NAALADL2: variants seen among roughly 807,000 people sequenced by gnomAD.
The protein encoded by NAALADL2 is inactive N-acetylated-alpha-linked acidic dipeptidase-like protein 2.
A neutral mutation model predicts 87.2 loss-of-function variants in NAALADL2; 76 were observed. That is an observed-to-expected ratio of 0.87 (90% confidence interval 0.72 to 1.05). The LOEUF is 1.05. NAALADL2 is among the 50% of genes least tolerant of loss of function. The pLI is 0.00. For missense variants in NAALADL2, 1,089 were observed against 945.8 expected, an observed-to-expected ratio of 1.15 and a Z score of -1.99; for synonymous variants, 354 against 331.0, an observed-to-expected ratio of 1.07 and a Z score of -0.75.
intron 11 of NAALADL2, among the ~76,000 whole-genome samples, chr3:175,665,762 C>T (rs1042780536): frequency 2.9e-4 from 44 of 152,240 alleles, no homozygotes; most frequent in African/African-American, 1.0e-3. Context: ...GAAACCCCTT[C>T]TCTGCTAAAA....
intron 5 of NAALADL2, among the ~76,000 whole-genome samples, chr3:175,420,190 G>A (rs1157325145): frequency 2.6e-5 from 4 of 151,898 alleles, no homozygotes; most frequent in Non-Finnish European, 5.9e-5. Context: ...AGAGAGAAAT[G>A]TTTCTTTTCT....
chr3:175,356,609 T>TAAA (rs200326548), intron 5 of NAALADL2, among the ~76,000 whole-genome samples: 14,138 of 132,556 alleles, frequency 0.11, 857 homozygotes, highest in Admixed American at 0.14. Context: ...ATAATAATAA[T>TAAA]AAAGAAATAA....
intron 1 of NAALADL2, among the ~76,000 whole-genome samples, chr3:174,996,390 G>A (rs758955689): frequency 4.0e-5 from 6 of 151,780 alleles, no homozygotes; most frequent in African/African-American, 1.5e-4. Flanking sequence ...TCAGCTACTC[G>A]GGAGGCTGAG....
intron 2 of NAALADL2, among the ~76,000 whole-genome samples, chr3:175,153,057 T>C (rs1731779945): frequency 6.6e-6 from 1 of 152,186 alleles, no homozygotes; most frequent in Non-Finnish European, 1.5e-5. Flanking sequence ...CTATCTCTTA[T>C]ATTTTCATAT....
chr3:175,570,577 G>T (rs994708049), intron 9 of NAALADL2, among the ~76,000 whole-genome samples: 1 of 151,938 alleles, frequency 6.6e-6, no homozygotes, highest in African/African-American at 2.4e-5. Context: ...TAACTGAAAC[G>T]AAAAGAAAGT....
At chr3:174,540,557 C>CAACT (rs1722131755) in intron 1 of NAALADL2, among the ~76,000 whole-genome samples, 1 of 152,158 alleles carries the variant, frequency 6.6e-6, no homozygotes, top group African/African-American at 2.4e-5. Flanking sequence ...CTATAACAGT[C>CAACT]AACTATACTA....
chr3:175,434,115 T>G (rs1164386463), intron 5 of NAALADL2, among the ~76,000 whole-genome samples: 1 of 151,980 alleles, frequency 6.6e-6, no homozygotes, highest in Non-Finnish European at 1.5e-5. Flanking sequence ...TATTGAAATC[T>G]TTTACACTAT....
At chr3:175,189,580 A>G (rs1483412026) in intron 2 of NAALADL2, among the ~76,000 whole-genome samples, 1 of 152,208 alleles carries the variant, frequency 6.6e-6, no homozygotes, top group Non-Finnish European at 1.5e-5. Context: ...AGACAAGTAA[A>G]TTGAGAGATA....
intron 1 of NAALADL2, among the ~76,000 whole-genome samples, chr3:174,913,132 G>GT (rs1733921978): frequency 6.6e-6 from 1 of 152,060 alleles, no homozygotes; most frequent in East Asian, 1.9e-4. Flanking sequence ...ATAAAATATA[G>GT]TATTATGACT....
chr3:175,319,870 T>G (rs1759623361), intron 4 of NAALADL2, among the ~76,000 whole-genome samples: 1 of 152,182 alleles, frequency 6.6e-6, no homozygotes, highest in South Asian at 2.1e-4. Flanking sequence ...TCTGTCTCAT[T>G]CATTCTCTCA....
chr3:175,727,445 TA>T (rs1340963059), intron 11 of NAALADL2, among the ~76,000 whole-genome samples: 2 of 152,274 alleles, frequency 1.3e-5, no homozygotes, highest in South Asian at 2.1e-4. Context: ...CAGGAGCTCC[TA>T]AAAAATGGCC....
chr3:175,771,922 C>A (rs1405717830), intron 13 of NAALADL2, among the ~76,000 whole-genome samples: 1 of 152,056 alleles, frequency 6.6e-6, no homozygotes, highest in African/African-American at 2.4e-5. Flanking sequence ...GGAAAAGGCC[C>A]TTATAGAACC....
At chr3:174,684,163 A>C (rs1480688324) in intron 2 of NAALADL2, among the ~76,000 whole-genome samples, 1 of 152,040 alleles carries the variant, frequency 6.6e-6, no homozygotes, top group Non-Finnish European at 1.5e-5. Context: ...TAATATTAAA[A>C]TCTAAAAATT....
chr3:174,701,474 A>G (rs1348603359), intron 2 of NAALADL2, among the ~76,000 whole-genome samples: 1 of 152,126 alleles, frequency 6.6e-6, no homozygotes, highest in Non-Finnish European at 1.5e-5. Context: ...CTGATATACA[A>G]TAAACTACAC....
chr3:175,683,163 A>G (rs1404854366), intron 11 of NAALADL2, among the ~76,000 whole-genome samples: 1 of 152,052 alleles, frequency 6.6e-6, no homozygotes, highest in African/African-American at 2.4e-5. Flanking sequence ...AATATTTTCA[A>G]AACAAAAATA....
chr3:175,026,524 G>A (rs962251285), intron 1 of NAALADL2, among the ~76,000 whole-genome samples: 6 of 149,614 alleles, frequency 4.0e-5, no homozygotes, highest in Non-Finnish European at 7.4e-5. Context: ...ACGTGGTGGC[G>A]CATGCCTGTA....
At chr3:175,093,410 A>ATT (rs201364351) in intron 1 of NAALADL2, among the ~76,000 whole-genome samples, 2 of 86,766 alleles carry the variant, frequency 2.3e-5, no homozygotes, top group Middle Eastern at 5.8e-3. Flanking sequence ...AGTTCATTTT[A>ATT]TTTTTTTATA....
chr3:175,502,161 A>C (rs1019699435), intron 9 of NAALADL2, among the ~76,000 whole-genome samples: 1 of 152,060 alleles, frequency 6.6e-6, no homozygotes, highest in Non-Finnish European at 1.5e-5. Context: ...ATAGCTAGCT[A>C]TGTGACTATG....
intron 10 of NAALADL2, among the ~76,000 whole-genome samples, chr3:175,588,534 CTTTT>C (rs1168817019): frequency 6.4e-5 from 5 of 78,142 alleles, no homozygotes; most frequent in African/African-American, 1.0e-4. Flanking sequence ...TCTTTCTTTT[CTTTT>C]TTTTTTTTTT....
Sources: allele counts gnomAD v4.1 joint callset (sites outside exome capture counted in the v4.1 genomes callset), GRCh38; gene constraint gnomAD v4.1.1; transcripts MANE v1.5; gene names NCBI Gene and HGNC (gene_info 2026-07-23, HGNC 2026-07-21).